CDK13: variants seen among roughly 807,000 people sequenced by gnomAD.
CDK13 encodes cyclin dependent kinase 13.
In CDK13, 40 loss-of-function variants were observed where a neutral mutation model predicts 137.6. The observed-to-expected ratio is 0.29, with a 90% CI of 0.23 to 0.38. The LOEUF (loss-of-function observed/expected upper bound fraction) is 0.38, where lower values mean the gene tolerates loss of function less well. CDK13 is among the 10% of genes least tolerant of loss of function. The probability of loss-of-function intolerance (pLI) is 1.00; values close to 1 mark genes in which losing one functional copy is unlikely to be tolerated. For missense variants in CDK13, 1,704 were observed against 1,951.8 expected, an observed-to-expected ratio of 0.87 and a Z score of 2.39; for synonymous variants, 869 against 760.1, an observed-to-expected ratio of 1.14 and a Z score of -2.36.
At chr7:39,999,829 T>C (rs1309173761) in intron 4 of CDK13, among the ~76,000 whole-genome samples, 1 of 152,146 alleles carries the variant, frequency 6.6e-6, no homozygotes, top group Non-Finnish European at 1.5e-5. Flanking sequence ...CTGAATTAAT[T>C]TTAGTAGTAA....
intron 1 of CDK13, among the ~76,000 whole-genome samples, chr7:39,957,090 CGTGTGTG>C (rs1370056799): frequency 6.4e-5 from 9 of 140,934 alleles, no homozygotes; most frequent in Non-Finnish European, 1.4e-4. Flanking sequence ...ATCCCACTGT[CGTGTGTG>C]TGTGTGTGTG....
At chr7:40,085,063 C>A (rs927510655) in intron 11 of CDK13, among the ~76,000 whole-genome samples, 1 of 152,028 alleles carries the variant, frequency 6.6e-6, no homozygotes, top group Non-Finnish European at 1.5e-5. Context: ...CATAAAGAAT[C>A]TCTTACTTTT....
At chr7:40,070,473 G>A (rs1391620769) in intron 9 of CDK13, 1 of 150,772 alleles carries the variant, frequency 6.6e-6, no homozygotes, top group Non-Finnish European at 1.5e-5. Flanking sequence ...CCAGTACTTT[G>A]GGAGGCTAAG....
chr7:39,989,494 C>T (rs1448059438), intron 2 of CDK13, among the ~76,000 whole-genome samples: 1 of 151,618 alleles, frequency 6.6e-6, no homozygotes. Flanking sequence ...TAATTTAACA[C>T]AAACAAAAGT....
At chr7:39,976,323 T>TCTCTCTCTCTCTCTCTCTCTCTCTCA in intron 1 of CDK13, among the ~76,000 whole-genome samples, 5 of 39,584 alleles carry the variant, frequency 1.3e-4, no homozygotes, top group South Asian at 1.2e-3. Context: ...TCTCTCTCTC[T>TCTCTCTCTCTCTCTCTCTCTCTCTCA]CACACACACA....
intron 1 of CDK13, among the ~76,000 whole-genome samples, chr7:39,974,046 A>T (rs539353984): frequency 1.2e-4 from 18 of 152,262 alleles, no homozygotes; most frequent in African/African-American, 4.1e-4. Flanking sequence ...CTTTTTTAAG[A>T]TTGTTTTGAC....
Position 39,951,436 on chromosome 7 carries a change from C to G in CDK13, c.795C>G (p.Ser265=). 4 of 1,536,366 alleles carry G rather than the reference C, an allele frequency of 2.6e-6. No individual in the cohort carries two copies. In the East Asian group the frequency reaches 1.0e-4, roughly 39 times the overall value. ...GCCGGAAAAGCGCTTCGGCCACATC[C>G]AGCAGCAGTAGCAGCCGCAAGGACC... ...GGRRKSASAT[S]SSSSSRKDRD... is the part of the protein sequence containing the mutation. The change falls in exon 1 of 14, where the codon TCC becomes TCG. Residue 265 remains serine (S), a synonymous_variant. Transcript: ENST00000181839.
chr7:40,007,141 A>G (rs1289834331), intron 5 of CDK13, among the ~76,000 whole-genome samples: 1 of 152,196 alleles, frequency 6.6e-6, no homozygotes, highest in East Asian at 1.9e-4. Flanking sequence ...CAGTATTATA[A>G]TTACTATCCC....
chr7:40,022,707 G>C (rs1429649974), intron 5 of CDK13, among the ~76,000 whole-genome samples: 1 of 151,540 alleles, frequency 6.6e-6, no homozygotes, highest in African/African-American at 2.4e-5. Flanking sequence ...CAGAGTAGAG[G>C]AATGTCCTGA....
chr7:40,006,320 CTT>C (rs1329209997), intron 5 of CDK13, among the ~76,000 whole-genome samples: 3 of 152,080 alleles, frequency 2.0e-5, no homozygotes, highest in Admixed American at 2.0e-4. Flanking sequence ...TTCAAAAAGT[CTT>C]TGAACTGTTG....
chr7:39,994,886 A>G (rs1230028738), intron 2 of CDK13, among the ~76,000 whole-genome samples: 2 of 151,918 alleles, frequency 1.3e-5, no homozygotes, highest in African/African-American at 2.4e-5. Context: ...CAAATTTTAT[A>G]ATCAGGTTGT....
In CDK13 at chr7:40,002,275, A is replaced by G. The variant is rs577622415; in HGVS notation, c.2353+244A>G. On this transcript the variant is annotated intron_variant, in intron 5 of 13. Transcript: ENST00000181839. ...AGTATTCACTAGTAATATATGTTTT[A>G]TTGGGCATCAGTGTATAGTTTTTAG... 9 of 269,294 alleles carry G rather than the reference A, an allele frequency of 3.3e-5. No individual in the cohort carries two copies. The South Asian group carries it at 7.0e-4, about 21-fold the overall frequency. 16.7% of individuals were successfully genotyped at this position (269,294 alleles called of 1,614,324 possible).
At chr7:40,043,444 A>G (rs1484146355) in intron 5 of CDK13, among the ~76,000 whole-genome samples, 1 of 152,168 alleles carries the variant, frequency 6.6e-6, no homozygotes, top group African/African-American at 2.4e-5. Context: ...ATAATTTTAG[A>G]ATTATTTTGT....
At chr7:40,005,450 C>T (rs938005487) in intron 5 of CDK13, among the ~76,000 whole-genome samples, 2 of 151,774 alleles carry the variant, frequency 1.3e-5, no homozygotes, top group Admixed American at 6.6e-5. Context: ...TCACTACACC[C>T]ATCTAATTTT....
chr7:40,073,113 C>A (rs1786458908), intron 9 of CDK13: 1 of 152,102 alleles, frequency 6.6e-6, no homozygotes, highest in Non-Finnish European at 1.5e-5. Flanking sequence ...TGAATGTGCT[C>A]CCATTAAAAT....
chr7:39,956,470 A>G (rs1787412484), intron 1 of CDK13, among the ~76,000 whole-genome samples: 1 of 152,216 alleles, frequency 6.6e-6, no homozygotes, highest in Non-Finnish European at 1.5e-5. Context: ...GTTACTGTGA[A>G]CATTCTTCTC....
At chr7:40,052,080 C>T (rs926411165) in intron 7 of CDK13, among the ~76,000 whole-genome samples, 2 of 152,160 alleles carry the variant, frequency 1.3e-5, no homozygotes, top group African/African-American at 4.8e-5. Context: ...GAGTATCTTT[C>T]TCTCTTTATG....
intron 7 of CDK13, chr7:40,059,081 C>CAA (rs1786083963): frequency 6.6e-6 from 1 of 152,102 alleles, no homozygotes; most frequent in East Asian, 1.9e-4. Flanking sequence ...TGGTCTTTAA[C>CAA]AAAGGCAGCA....
chr7:40,040,841 T>C (rs962512523), intron 5 of CDK13, among the ~76,000 whole-genome samples: 1 of 152,040 alleles, frequency 6.6e-6, no homozygotes, highest in Non-Finnish European at 1.5e-5. Flanking sequence ...ATTTTTTTGT[T>C]GTCATTGAGT....
Sources: allele counts gnomAD v4.1 joint callset (sites outside exome capture counted in the v4.1 genomes callset), GRCh38; gene constraint gnomAD v4.1.1; transcripts MANE v1.5; gene names NCBI Gene and HGNC (gene_info 2026-07-23, HGNC 2026-07-21).